The following CHSY3 variants were observed in gnomAD, a reference collection of about 807,000 sequenced individuals.
CHSY3 encodes N-acetylgalactosaminyl-proteoglycan 3-beta-glucuronosyltransferase 3.
A neutral mutation model predicts 67.2 loss-of-function variants in CHSY3; 35 were observed. That is an observed-to-expected ratio of 0.52 (90% confidence interval 0.40 to 0.69). CHSY3 has a LOEUF of 0.69. CHSY3 is among the 30% of genes least tolerant of loss of function. CHSY3 has a pLI of 0.00. For missense variants in CHSY3, 1,069 were observed against 1,138.5 expected, an observed-to-expected ratio of 0.94 and a Z score of 0.88; for synonymous variants, 474 against 434.7, an observed-to-expected ratio of 1.09 and a Z score of -1.12.
chr5:130,186,089 C>A lies in CHSY3; in HGVS notation c.*298C>A, dbSNP rs1473059770. ...AATCAAATGACTTTTGAAACGCATT[C>A]ATCACAAGAGACAGCTTAGAAGAAT... On this transcript the variant is annotated 3_prime_UTR_variant, in exon 3 of 3. Transcript: ENST00000305031. 2 of 167,034 alleles carry A rather than the reference C, an allele frequency of 1.2e-5. No homozygotes were observed. The highest frequency in any genetic ancestry group is 4.8e-5 in the African/African-American group (2 of 41,988). 10.3% of individuals were successfully genotyped at this position (167,034 alleles called of 1,614,324 possible).
At chr5:130,172,712 A>G (rs1450034347) in intron 2 of CHSY3, among the ~76,000 whole-genome samples, 2 of 152,172 alleles carry the variant, frequency 1.3e-5, no homozygotes, top group South Asian at 4.1e-4. Context: ...GAACTTTTTA[A>G]TCTTGCAAAA....
intron 2 of CHSY3, among the ~76,000 whole-genome samples, chr5:130,084,426 T>C (rs1766544338): frequency 6.6e-6 from 1 of 151,944 alleles, no homozygotes; most frequent in Non-Finnish European, 1.5e-5. Flanking sequence ...ATTCAAACTC[T>C]GTAAAATATT....
At chr5:130,135,295 C>T (rs1469512699) in intron 2 of CHSY3, among the ~76,000 whole-genome samples, 1 of 151,748 alleles carries the variant, frequency 6.6e-6, no homozygotes, top group Non-Finnish European at 1.5e-5. Context: ...CACACACACA[C>T]ACCCTGTGCT....
chr5:130,066,185 C>T (rs980069514), intron 2 of CHSY3, among the ~76,000 whole-genome samples: 6 of 152,052 alleles, frequency 3.9e-5, no homozygotes, highest in Admixed American at 2.0e-4. Context: ...GTATCTCTTT[C>T]ATTTGTCATA....
intron 2 of CHSY3, among the ~76,000 whole-genome samples, chr5:129,918,232 A>C (rs1760796850): frequency 6.6e-6 from 1 of 152,152 alleles, no homozygotes; most frequent in African/African-American, 2.4e-5. Flanking sequence ...ATTCTCATAA[A>C]GATATGTTTT....
chr5:130,119,659 T>C (rs1321211590), intron 2 of CHSY3, among the ~76,000 whole-genome samples: 3 of 152,152 alleles, frequency 2.0e-5, no homozygotes, highest in African/African-American at 7.2e-5. Flanking sequence ...AGCATTCATG[T>C]CATTTCCCAA....
At chr5:129,978,427 C>T (rs1487251842) in intron 2 of CHSY3, among the ~76,000 whole-genome samples, 1 of 152,110 alleles carries the variant, frequency 6.6e-6, no homozygotes, top group Middle Eastern at 3.2e-3. Context: ...ACATATTTTA[C>T]ATATGTACAC....
At chr5:130,013,680 C>G (rs1238871303) in intron 2 of CHSY3, among the ~76,000 whole-genome samples, 1 of 152,184 alleles carries the variant, frequency 6.6e-6, no homozygotes, top group Admixed American at 6.5e-5. Flanking sequence ...CTGCAAAGAG[C>G]AGAGGGGCCC....
At chr5:130,153,487 C>T (rs1344918126) in intron 2 of CHSY3, among the ~76,000 whole-genome samples, 4 of 152,156 alleles carry the variant, frequency 2.6e-5, no homozygotes, top group Non-Finnish European at 5.9e-5. Context: ...ACCTCTCTTC[C>T]CATTTTTTTC....
rs1478721306 is a variant in CHSY3 at position 130,020,441 on chromosome 5, ATATATATATATATATATATATTTTTT to A, written c.1086+112083_1086+112108del. On this transcript the variant is annotated intron_variant, in intron 2 of 2. Coordinates refer to ENST00000305031, the MANE Select transcript of CHSY3 (RefSeq NM_175856.5). ...TCTCAAAATATATATATATATATAT[ATATATATATATATATATATATTTTTT>A]TTTTTTTTTTTTCCTCTGGCTCCTC... Among the ~76,000 whole-genome samples the A allele has an allele frequency of 1.1e-3, 14 of 13,196 alleles. 2 individuals are homozygous for A. The highest frequency in any genetic ancestry group is 8.4e-3 in the Admixed American group (10 of 1,188). The allele number at this position is 13,196 out of a possible 152,430, so 8.7% of individuals were successfully genotyped here. A position where few individuals can be genotyped will look rare whatever the true frequency, so the allele number is the denominator to read the frequency against.
chr5:130,133,321 C>G (rs1048706495), intron 2 of CHSY3, among the ~76,000 whole-genome samples: 2 of 152,014 alleles, frequency 1.3e-5, no homozygotes, highest in African/African-American at 4.8e-5. Flanking sequence ...TTGGAATTGA[C>G]CCCTTGGTGT....
chr5:130,182,193 G>A (rs1014854785), intron 2 of CHSY3, among the ~76,000 whole-genome samples: 4 of 151,836 alleles, frequency 2.6e-5, no homozygotes, highest in African/African-American at 9.7e-5. Context: ...GTTTTTTTGT[G>A]GATCCATCAC....
intron 2 of CHSY3, among the ~76,000 whole-genome samples, chr5:130,030,767 G>A (rs1029211832): frequency 1.1e-4 from 16 of 152,026 alleles, no homozygotes; most frequent in Admixed American, 5.9e-4. Context: ...AAGAGCTTTG[G>A]GGGCTTTAGT....
intron 2 of CHSY3, among the ~76,000 whole-genome samples, chr5:130,054,263 T>G (rs1226272334): frequency 6.6e-6 from 1 of 152,154 alleles, no homozygotes; most frequent in Non-Finnish European, 1.5e-5. Context: ...TTTCTGAAAA[T>G]TAGTTGATTT....
At chr5:130,001,425 C>A in intron 2 of CHSY3, 1 of 861,256 alleles carries the variant, frequency 1.2e-6, no homozygotes, top group African/African-American at 1.8e-5. Flanking sequence ...GAAGAAATTA[C>A]CAGATGATGA....
intron 2 of CHSY3, among the ~76,000 whole-genome samples, chr5:130,082,941 A>G (rs2149687517): frequency 6.6e-6 from 1 of 151,982 alleles, no homozygotes; most frequent in East Asian, 1.9e-4. Context: ...GCTGCAGCCA[A>G]CAATCATGGC....
chr5:129,981,828 G>A (rs1762992916), intron 2 of CHSY3, among the ~76,000 whole-genome samples: 2 of 152,218 alleles, frequency 1.3e-5, no homozygotes, highest in South Asian at 4.1e-4. Flanking sequence ...AATGCTAGAT[G>A]TGGGTTTTTT....
chr5:130,053,714 A>G (rs994089250), intron 2 of CHSY3, among the ~76,000 whole-genome samples: 4 of 152,164 alleles, frequency 2.6e-5, no homozygotes. Context: ...ATGGCCAGAA[A>G]AGGGAAGAGT....
chr5:129,993,562 G>A (rs1763433371), intron 2 of CHSY3, among the ~76,000 whole-genome samples: 1 of 151,908 alleles, frequency 6.6e-6, no homozygotes, highest in Non-Finnish European at 1.5e-5. Context: ...CCATTTGCTT[G>A]ATAGATCTTC....
Sources: gnomAD v4.1 joint callset for allele counts (sites outside exome capture counted in the v4.1 genomes callset) on GRCh38, gnomAD v4.1.1 for gene constraint, MANE v1.5 for transcripts, NCBI Gene and HGNC (gene_info 2026-07-23, HGNC 2026-07-21) for gene names.